The following TULP3 variants were observed in gnomAD, a reference collection of about 807,000 sequenced individuals.
TULP3 encodes the protein TUB like protein 3.
Under a neutral mutation model 50.7 loss-of-function variants are expected in TULP3, and 38 were observed. The observed-to-expected ratio is 0.75, with a 90% confidence interval of 0.58 to 0.98. The LOEUF (loss-of-function observed/expected upper bound fraction) is 0.98, where lower values mean the gene tolerates loss of function less well. Among genes scored for constraint, TULP3 ranks in the 50% least tolerant of loss-of-function variants. The pLI is 0.00. For synonymous variants in TULP3, 183 were observed against 196.6 expected (o/e 0.93, Z 0.58); for missense variants, 550 against 568.0 (o/e 0.97, Z 0.32).
At chr12:2,909,482 G>C (rs1157503461) in intron 1 of TULP3, 47 bp from the exon 2 acceptor site, 1 of 1,522,506 alleles carries the variant, frequency 6.6e-7, no homozygotes, top group African/African-American at 1.4e-5. Context: ...AAATTGACAA[G>C]GCGTTTTCTT....
intron 1 of TULP3, among the ~76,000 whole-genome samples, chr12:2,906,113 C>T (rs961273461): frequency 6.6e-6 from 1 of 150,738 alleles, no homozygotes; most frequent in Non-Finnish European, 1.5e-5. Context: ...TCACTGCAAC[C>T]TCCGCCTCCC....
rs771074689 is a variant in TULP3 at position 2,937,200 on chromosome 12, A to ATTTTTTTTTT, written c.925-409_925-400dup. The stretch of plus-strand genomic sequence containing the variant: ...AATAAAATTATTTTTGGTACACCTG[A>ATTTTTTTTTT]TTTTTTTTTTTTTTTTTTTTTTTTT... On this transcript the variant is annotated intron_variant, in intron 8 of 10. Coordinates refer to ENST00000448120, the MANE Select transcript of TULP3 (RefSeq NM_003324.5). Among the ~76,000 whole-genome samples the ATTTTTTTTTT allele has an allele frequency of 1.5e-4, 8 of 54,468 alleles. 1 individual carries two copies. The highest frequency in any genetic ancestry group is 1.5e-4 in the Non-Finnish European group (5 of 32,476). 35.7% of individuals were successfully genotyped at this position (54,468 alleles called of 152,430 possible). A position where few individuals can be genotyped will look rare whatever the true frequency, so the allele number is the denominator to read the frequency against.
chr12:2,891,545 C>T (rs1243806604), intron 1 of TULP3, among the ~76,000 whole-genome samples: 1 of 152,158 alleles, frequency 6.6e-6, no homozygotes, highest in African/African-American at 2.4e-5. Context: ...TGCCAGTGGG[C>T]CACACCCCTT....
intron 9 of TULP3, 96 bp from the exon 10 acceptor site, chr12:2,938,018 A>T: frequency 7.3e-7 from 1 of 1,374,492 alleles, no homozygotes; most frequent in Non-Finnish European, 1.0e-6. Context: ...CTTCTGGTTT[A>T]CCCTTTCTGA....
chr12:2,907,394 G>A (rs1408138159), intron 1 of TULP3, among the ~76,000 whole-genome samples: 1 of 150,996 alleles, frequency 6.6e-6, no homozygotes, highest in Non-Finnish European at 1.5e-5. Flanking sequence ...AGAATCGCTT[G>A]AACCTGGGAG....
intron 2 of TULP3, 150 bp from the exon 3 acceptor site, chr12:2,920,613 C>G: frequency 1.2e-6 from 1 of 855,984 alleles, no homozygotes; most frequent in Non-Finnish European, 1.8e-6. Flanking sequence ...TTACTCCTCT[C>G]TGTGCCTCAG....
rs1466715861 is a variant in TULP3, at chr12:2,890,959, G to T, written c.12G>T (p.Ser4=). The part of the protein sequence containing the change: MEA[S]RCRLSPSGDS... ...CCTCGGTGGCGGGCATGGAGGCTTC[G>T]CGCTGCCGGCTCAGTCCCAGCGGCG... Residue 4 remains serine (S), a synonymous_variant, in exon 1 of 11, where the codon TCG becomes TCT. Coordinates refer to ENST00000448120, the MANE Select transcript of TULP3 (RefSeq NM_003324.5). The T allele has an allele frequency of 3.1e-6, 5 of 1,596,174 alleles. No individual in the cohort carries two copies. In the Admixed American group the frequency reaches 5.2e-5, roughly 16 times the overall value.
At chr12:2,893,367 C>T (rs1388648689) in intron 1 of TULP3, among the ~76,000 whole-genome samples, 3 of 138,240 alleles carry the variant, frequency 2.2e-5, no homozygotes, top group Non-Finnish European at 3.0e-5. Context: ...TCGCTCTCGT[C>T]GCCCAGGCTG....
intron 8 of TULP3, among the ~76,000 whole-genome samples, chr12:2,936,347 A>C (rs2098201257): frequency 1.3e-5 from 2 of 152,130 alleles, no homozygotes; most frequent in Non-Finnish European, 2.9e-5. Context: ...ACCACAACTA[A>C]TTTTCACTGT....
At chr12:2,911,755 A>G (rs2098185796) in intron 2 of TULP3, among the ~76,000 whole-genome samples, 1 of 133,240 alleles carries the variant, frequency 7.5e-6, no homozygotes, top group South Asian at 2.5e-4. Context: ...TTTTTTTTAC[A>G]TGCCTAGGAG....
At chr12:2,934,883 C>G (rs2098200174) in intron 8 of TULP3, among the ~76,000 whole-genome samples, 1 of 152,000 alleles carries the variant, frequency 6.6e-6, no homozygotes. Flanking sequence ...CTTTTCCTAT[C>G]TAGTTCATTC....
chr12:2,940,154 G>A lies in TULP3; in HGVS notation c.*710G>A, dbSNP rs2098203840. The A allele has an allele frequency of 1.5e-6, 2 of 1,299,026 alleles. No homozygotes were observed. The highest frequency in any genetic ancestry group is 1.2e-5 in the South Asian group (1 of 81,108). The allele number at this position is 1,299,026 out of a possible 1,614,324, so 80.5% of individuals were successfully genotyped here. A position where few individuals can be genotyped will look rare whatever the true frequency, so the allele number is the denominator to read the frequency against. On this transcript the variant is annotated 3_prime_UTR_variant, in exon 11 of 11. Transcript: ENST00000448120. ...TAAACTCTAGAGGTGACTCAGTCAG[G>A]ACTGACAGTAATGTGATAATTGCCT...
intron 1 of TULP3, among the ~76,000 whole-genome samples, chr12:2,903,585 A>G (rs2098180491): frequency 6.6e-6 from 1 of 151,976 alleles, no homozygotes; most frequent in Non-Finnish European, 1.5e-5. Flanking sequence ...AAGAAAAAAG[A>G]AAAAAATGAA....
intron 1 of TULP3, among the ~76,000 whole-genome samples, chr12:2,907,092 C>CT (rs2098182738): frequency 6.6e-6 from 1 of 151,986 alleles, no homozygotes; most frequent in South Asian, 2.1e-4. Flanking sequence ...AATCCCAGCA[C>CT]TTTGGGAAGC....
chr12:2,897,771 T>TAAAA (rs71057851), intron 1 of TULP3, among the ~76,000 whole-genome samples: 49,554 of 124,624 alleles, frequency 0.4, 9,806 homozygotes, highest in East Asian at 0.54. Flanking sequence ...CCCTGTCTCT[T>TAAAA]AAAAAAAAAA....
chr12:2,896,010 G>A (rs1049657558), intron 1 of TULP3, among the ~76,000 whole-genome samples: 5 of 150,304 alleles, frequency 3.3e-5, no homozygotes, highest in African/African-American at 1.2e-4. Context: ...GCATGATCTC[G>A]GCTCACTGCA....
intron 1 of TULP3, among the ~76,000 whole-genome samples, chr12:2,900,345 T>C (rs563615539): frequency 9.1e-4 from 139 of 152,346 alleles, no homozygotes; most frequent in Middle Eastern, 3.4e-3. Context: ...TTAGGCTGTT[T>C]GAAGCACTTG....
chr12:2,898,774 G>T (rs1436305572), intron 1 of TULP3, among the ~76,000 whole-genome samples: 1 of 151,904 alleles, frequency 6.6e-6, no homozygotes, highest in Non-Finnish European at 1.5e-5. Flanking sequence ...TGAACTCCTG[G>T]GTTCAAGCAG....
Position 2,939,898 on chromosome 12 carries a change from G to T in TULP3, c.*454G>T. Reference sequence around the variant, plus strand: ...TAGCATGGGTGAGAGATGATTTAAAGCACAGGGAGATTCTTGTCACATTGG... The same window carrying T: ...TAGCATGGGTGAGAGATGATTTAAATCACAGGGAGATTCTTGTCACATTGG... On this transcript the variant is annotated 3_prime_UTR_variant, in exon 11 of 11. Coordinates refer to ENST00000448120, the MANE Select transcript of TULP3 (RefSeq NM_003324.5). The surrounding 1 kb of genome is among the most constrained non-coding windows in gnomAD (Gnocchi z 4.0). 8.0e-7 allele frequency: 1 copy of T among 1,242,898 alleles called. No homozygotes were observed. 77.0% of individuals were successfully genotyped at this position (1,242,898 alleles called of 1,614,324 possible). A position where few individuals can be genotyped will look rare whatever the true frequency, so the allele number is the denominator to read the frequency against.
Sources: allele counts gnomAD v4.1 joint callset (sites outside exome capture counted in the v4.1 genomes callset), GRCh38; gene constraint gnomAD v4.1.1; non-coding constraint Gnocchi (gnomAD v3.1); transcripts MANE v1.5; gene names NCBI Gene and HGNC (gene_info 2026-07-23, HGNC 2026-07-21).